The following SLC23A2 variants were observed in gnomAD, a reference collection of about 807,000 sequenced individuals.
The protein encoded by SLC23A2 is solute carrier family 23 member 2.
A neutral mutation model predicts 73.3 loss-of-function variants in SLC23A2; 36 were observed. The observed-to-expected ratio is 0.49, with a 90% CI of 0.38 to 0.65. The LOEUF (loss-of-function observed/expected upper bound fraction) is 0.65. Among genes scored for constraint, SLC23A2 ranks in the 30% least tolerant of loss-of-function variants. SLC23A2 has a pLI of 0.00. For synonymous variants in SLC23A2, 343 were observed against 327.3 expected, an observed-to-expected ratio of 1.05 and a Z score of -0.52; for missense variants, 507 against 841.6, an observed-to-expected ratio of 0.60 and a Z score of 4.92.
chr20:4,999,297 TTTA>T (rs1208407268), intron 1 of SLC23A2, among the ~76,000 whole-genome samples: 1 of 152,094 alleles, frequency 6.6e-6, no homozygotes, highest in Non-Finnish European at 1.5e-5. Flanking sequence ...AAAGACACAG[TTTA>T]TTCAACAACG....
At chr20:4,941,429 G>A (rs2087039494) in intron 2 of SLC23A2, among the ~76,000 whole-genome samples, 3 of 152,022 alleles carry the variant, frequency 2.0e-5, no homozygotes, top group African/African-American at 7.3e-5. Context: ...CACTCAAAAA[G>A]TTGTCGGCTG....
intron 1 of SLC23A2, among the ~76,000 whole-genome samples, chr20:4,991,720 T>TCACACA (rs11471369): frequency 0.044 from 6,127 of 139,318 alleles, 160 homozygotes; most frequent in Non-Finnish European, 0.055. Context: ...AGACTCCGTT[T>TCACACA]CACACACACA....
At chr20:4,975,720 AG>A in intron 1 of SLC23A2, among the ~76,000 whole-genome samples, 1 of 151,276 alleles carries the variant, frequency 6.6e-6, no homozygotes, top group East Asian at 2.0e-4. Flanking sequence ...TGACATGTAA[AG>A]AATGACATCT....
chr20:5,006,261 C>A (rs1395916935), upstream of SLC23A2, among the ~76,000 whole-genome samples: 2 of 151,572 alleles, frequency 1.3e-5, no homozygotes, highest in Non-Finnish European at 2.9e-5. Flanking sequence ...CCGCACCCAG[C>A]TAATTTTTTG....
chr20:5,003,290 A>G (rs995055558), upstream of SLC23A2, among the ~76,000 whole-genome samples: 1 of 151,996 alleles, frequency 6.6e-6, no homozygotes, highest in Non-Finnish European at 1.5e-5. Context: ...AGGCTGAGGC[A>G]GGAGAATGGC....
At chr20:4,906,881 G>T (rs1437701708) in intron 4 of SLC23A2, among the ~76,000 whole-genome samples, 1 of 152,026 alleles carries the variant, frequency 6.6e-6, no homozygotes, top group African/African-American at 2.4e-5. Flanking sequence ...GACCAATTTG[G>T]GAGAGGGAAG....
At chr20:4,959,281 T>C (rs1040006484) in intron 2 of SLC23A2, among the ~76,000 whole-genome samples, 3 of 151,226 alleles carry the variant, frequency 2.0e-5, no homozygotes, top group Non-Finnish European at 4.4e-5. Flanking sequence ...AAACAGACAA[T>C]ACCAAGTGCT....
At chr20:4,941,307 T>C (rs1474038211) in intron 2 of SLC23A2, among the ~76,000 whole-genome samples, 1 of 152,110 alleles carries the variant, frequency 6.6e-6, no homozygotes, top group Non-Finnish European at 1.5e-5. Flanking sequence ...AGTGGGACGA[T>C]TGCTTGAGGC....
intron 2 of SLC23A2, among the ~76,000 whole-genome samples, chr20:4,966,202 T>C (rs1362050521): frequency 6.6e-6 from 1 of 152,134 alleles, no homozygotes; most frequent in Non-Finnish European, 1.5e-5. Context: ...ATGTGCATTT[T>C]CCAGGCAACA....
chr20:4,922,084 G>A (rs1932515734), intron 3 of SLC23A2, among the ~76,000 whole-genome samples: 1 of 152,090 alleles, frequency 6.6e-6, no homozygotes. Flanking sequence ...CTTAGATTAT[G>A]GTAAAGAAAT....
chr20:4,879,265 C>T (rs187113338), intron 9 of SLC23A2, among the ~76,000 whole-genome samples: 4 of 151,784 alleles, frequency 2.6e-5, no homozygotes, highest in South Asian at 2.1e-4. Flanking sequence ...AAAAATTAGT[C>T]GGGAGTGGTG....
At chr20:4,999,434 G>A (rs2088080099) in intron 1 of SLC23A2, among the ~76,000 whole-genome samples, 1 of 152,138 alleles carries the variant, frequency 6.6e-6, no homozygotes, top group African/African-American at 2.4e-5. Flanking sequence ...CTTCTGCAAT[G>A]CTACATAGAC....
intron 11 of SLC23A2, among the ~76,000 whole-genome samples, chr20:4,870,517 C>T (rs1463020361): frequency 6.6e-6 from 1 of 151,732 alleles, no homozygotes; most frequent in Non-Finnish European, 1.5e-5. Flanking sequence ...GCGGAGGTTG[C>T]AGTGAGCCAA....
intron 9 of SLC23A2, among the ~76,000 whole-genome samples, chr20:4,882,048 T>C (rs6116567): frequency 6.6e-6 from 1 of 152,126 alleles, no homozygotes; most frequent in African/African-American, 2.4e-5. Flanking sequence ...GTGTGAAGAA[T>C]GTTTTGACCA....
intron 2 of SLC23A2, among the ~76,000 whole-genome samples, chr20:4,944,119 T>G (rs2087082633): frequency 6.6e-6 from 1 of 152,228 alleles, no homozygotes; most frequent in Non-Finnish European, 1.5e-5. Flanking sequence ...ACTATCGCAA[T>G]AAAATTGACT....
chr20:4,952,945 C>G (rs1189161291), intron 2 of SLC23A2, among the ~76,000 whole-genome samples: 3 of 151,844 alleles, frequency 2.0e-5, no homozygotes, highest in African/African-American at 4.8e-5. Context: ...ATTGCTTGAA[C>G]CCGGGAGGCG....
At chr20:4,974,371 G>A (rs190236968) in intron 1 of SLC23A2, among the ~76,000 whole-genome samples, 1 of 152,284 alleles carries the variant, frequency 6.6e-6, no homozygotes, top group Non-Finnish European at 1.5e-5. Context: ...GGAAGGCTGA[G>A]GCAGGAGAAT....
At chr20:4,967,129 T>TA (rs11406406) in intron 2 of SLC23A2, among the ~76,000 whole-genome samples, 81,914 of 151,820 alleles carry the variant, frequency 0.54, 22,293 homozygotes, top group Admixed American at 0.58. Flanking sequence ...GAAATCTAAA[T>TA]AAACACAGGG....
In SLC23A2 at chr20:4,998,869, A is replaced by G. The variant is rs1257090453; in HGVS notation, c.-282+2537T>C. On this transcript the variant is annotated intron_variant, in intron 1 of 16. Transcript: ENST00000338244. The surrounding 1 kb of genome is among the most constrained non-coding windows in gnomAD (Gnocchi z 4.1). ...ACCCAGGCTGGAGTGCAGTGGCACGATCTCGACTCACTGCAAACTCCACCT... is the reference window on the plus strand; with the variant it reads ...ACCCAGGCTGGAGTGCAGTGGCACGGTCTCGACTCACTGCAAACTCCACCT... Among the ~76,000 whole-genome samples the G allele has an allele frequency of 6.8e-6, 1 of 147,820 alleles. No individual in the cohort carries two copies. Among genetic ancestry groups the G allele is most frequent in the African/African-American group, 2.5e-5 (1 of 39,934 alleles).
Sources: allele counts gnomAD v4.1 joint callset (sites outside exome capture counted in the v4.1 genomes callset), GRCh38; gene constraint gnomAD v4.1.1; non-coding constraint Gnocchi (gnomAD v3.1); transcripts MANE v1.5; gene names NCBI Gene and HGNC (gene_info 2026-07-23, HGNC 2026-07-21).